Variants in FAM47E observed in about 807,000 individuals in gnomAD.
The protein encoded by FAM47E is protein FAM47E.
In FAM47E, 32 loss-of-function variants were observed where a neutral mutation model predicts 41.6. The observed-to-expected ratio is 0.77, with a 90% CI of 0.58 to 1.03. The LOEUF is 1.03. Ranked by LOEUF, FAM47E falls within the 50% of genes least tolerant of loss-of-function variation. The pLI, the probability that FAM47E is intolerant of heterozygous loss-of-function variation, is 0.00. For synonymous variants in FAM47E, 184 were observed against 188.7 expected, an observed-to-expected ratio of 0.98 and a Z score of 0.20; for missense variants, 424 against 485.4, an observed-to-expected ratio of 0.87 and a Z score of 1.19.
intron 2 of FAM47E, among the ~76,000 whole-genome samples, chr4:76,238,022 T>C (rs982737680): frequency 3.3e-5 from 5 of 152,162 alleles, no homozygotes; most frequent in Non-Finnish European, 7.3e-5. Flanking sequence ...TGTAGCCCTG[T>C]AATGATATAG....
chr4:76,224,844 C>T (rs1298551860), intron 2 of FAM47E, among the ~76,000 whole-genome samples: 1 of 151,954 alleles, frequency 6.6e-6, no homozygotes, highest in South Asian at 2.1e-4. Flanking sequence ...TTTTGGTGCA[C>T]ACATCACCCA....
chr4:76,283,476 G>T lies in FAM47E; in HGVS notation c.*18G>T, dbSNP rs2110033257. On this transcript the variant is annotated 3_prime_UTR_variant, in exon 8 of 8. Coordinates refer to ENST00000424749, the MANE Select transcript of FAM47E (RefSeq NM_001136570.3). The stretch of plus-strand genomic sequence containing the variant: ...AAGCATAGAAGAATCGTAGGAGAAT[G>T]ATTAGGCAGATTTTATTACTACGTA... The T allele has an allele frequency of 1.4e-6, 2 of 1,416,962 alleles. No homozygotes were observed. The highest frequency in any genetic ancestry group is 1.2e-5 in the South Asian group (1 of 81,018). The allele number at this position is 1,416,962 out of a possible 1,614,324, so 87.8% of individuals were successfully genotyped here. A position where few individuals can be genotyped will look rare whatever the true frequency, so the allele number is the denominator to read the frequency against.
intron 2 of FAM47E, among the ~76,000 whole-genome samples, chr4:76,225,182 C>T (rs1363189060): frequency 2.0e-5 from 3 of 152,172 alleles, no homozygotes; most frequent in Non-Finnish European, 2.9e-5. Context: ...TCTTTATCCA[C>T]TCGCACTCGT....
intron 1 of FAM47E, among the ~76,000 whole-genome samples, chr4:76,255,177 T>G (rs1734137480): frequency 1.3e-5 from 2 of 152,196 alleles, no homozygotes; most frequent in Admixed American, 6.5e-5. Context: ...GTAGAGTGAT[T>G]AAGCACCTTT....
chr4:76,278,440 A>G, intron 6 of FAM47E: 1 of 458,080 alleles, frequency 2.2e-6, no homozygotes, highest in Non-Finnish European at 3.7e-6. Context: ...TAGACATGAC[A>G]TCTCTAAAGA....
intron 2 of FAM47E, among the ~76,000 whole-genome samples, chr4:76,242,004 G>GA (rs1317509889): frequency 6.6e-6 from 1 of 152,036 alleles, no homozygotes; most frequent in Non-Finnish European, 1.5e-5. Context: ...ATTTCCTGGA[G>GA]AAAAAAGGAC....
In FAM47E at chr4:76,271,644, C is replaced by T. The variant is rs1454985605; in HGVS notation, c.746C>T (p.Ala249Val). The stretch of plus-strand genomic sequence containing the variant: ...TATGAGACCAAACCAAGCCATGATG[C>T]GCTCCACACGATGAAGCTAAATCAG... ...IDYETKPSHD[A>V]LHTMKLNQVP... is the part of the protein sequence containing the mutation. The change falls in exon 5 of 8, where the codon GCG becomes GTG. Residue 249 changes from alanine (A) to valine (V), a missense_variant. By Grantham distance (64) the Ala-to-Val change is moderately conservative. Coordinates refer to ENST00000424749, the MANE Select transcript of FAM47E (RefSeq NM_001136570.3). 19 of 1,552,042 alleles carry T rather than the reference C, an allele frequency of 1.2e-5. No individual in the cohort carries two copies. In the Admixed American group the frequency reaches 1.6e-4, roughly 13 times the overall value.
intron 2 of FAM47E, chr4:76,234,372 ATTC>A (rs531522883): frequency 3.0e-4 from 45 of 152,500 alleles, no homozygotes; most frequent in Non-Finnish European, 6.0e-4. Context: ...TAAAGATGGC[ATTC>A]TTTGTCCCAT....
At position 76,256,388 on chromosome 4, in the gene FAM47E, C is replaced by A; in HGVS notation, c.285C>A (p.Leu95=). Residue 95 remains leucine (L), a synonymous_variant, in exon 2 of 8, where the codon CTC becomes CTA. Transcript: ENST00000424749. ...CAAAGAAGAGGCAGATCAAGCTGCT[C>A]AAGGAAGCAGACGTGCTTTCCAAGC... ...LAPKKRQIKL[L]KEADVLSKLS... The A allele has an allele frequency of 6.4e-7, 1 of 1,552,130 alleles. No individual in the cohort carries two copies. Among genetic ancestry groups the A allele is most frequent in the Non-Finnish European group, 8.7e-7 (1 of 1,147,316 alleles).
chr4:76,258,878 T>C (rs866202287), intron 2 of FAM47E, among the ~76,000 whole-genome samples: 24 of 152,230 alleles, frequency 1.6e-4, no homozygotes, highest in Middle Eastern at 6.8e-3. Flanking sequence ...TTAAATATGG[T>C]TTAAGGAGAT....
exon 2 of FAM47E, chr4:76,217,637 C>T (rs1310665470): frequency 3.1e-6 from 2 of 653,004 alleles, no homozygotes; most frequent in Admixed American, 4.4e-5. Context: ...GCGTCTTGTC[C>T]AGCCTGCAGA....
At chr4:76,263,620 C>T (rs1734508793) in intron 2 of FAM47E, 84 bp from the exon 3 acceptor site, 1 of 1,481,324 alleles carries the variant, frequency 6.8e-7, no homozygotes, top group African/African-American at 1.4e-5. Context: ...AAGTGAAGGG[C>T]AAGTTGGTCT....
At chr4:76,265,609 T>TTA (rs1734598261) in intron 3 of FAM47E, among the ~76,000 whole-genome samples, 1 of 151,280 alleles carries the variant, frequency 6.6e-6, no homozygotes, top group Non-Finnish European at 1.5e-5. Context: ...ATGCTTTTTG[T>TTA]TATTCATAAG....
At position 76,251,756 on chromosome 4, in the gene FAM47E, C is replaced by A; in HGVS notation, c.10C>A (p.Arg4Ser). ...CGAAGCTAGGGCCACCATGGCGGAC[C>A]GCAGGCGGCGGCTCCGGCCGGGGAC... MAD[R>S]RRRLRPGTLA... The change falls in exon 1 of 8, where the codon CGC becomes AGC. Residue 4 changes from arginine (R) to serine (S), a missense_variant. Physicochemically the swap from Arg to Ser is moderately radical, Grantham distance 110. Transcript: ENST00000424749. The A allele has an allele frequency of 6.7e-7, 1 of 1,485,572 alleles. No homozygotes were observed. The highest frequency in any genetic ancestry group is 2.2e-5 in the Admixed American group (1 of 45,250). The allele number at this position is 1,485,572 out of a possible 1,614,324, so 92.0% of individuals were successfully genotyped here.
chr4:76,214,239 T>C (rs1733155084), exon 1 of FAM47E: 2 of 454,874 alleles, frequency 4.4e-6, no homozygotes, highest in Admixed American at 4.7e-5. Context: ...TACAACACAA[T>C]GTAGCAAGTG....
intron 2 of FAM47E, among the ~76,000 whole-genome samples, chr4:76,239,963 A>G (rs2109990780): frequency 6.6e-6 from 1 of 152,192 alleles, no homozygotes; most frequent in South Asian, 2.1e-4. Context: ...TTTTCCCAGC[A>G]CCATTTGTCA....
intron 3 of FAM47E, chr4:76,268,368 T>C: frequency 3.8e-6 from 1 of 266,364 alleles, no homozygotes; most frequent in East Asian, 1.1e-4. Flanking sequence ...TAATTTGGGC[T>C]TTTACCCAGT....
At chr4:76,248,876 G>A (rs1733890302), upstream of FAM47E, among the ~76,000 whole-genome samples, 1 of 152,102 alleles carries the variant, frequency 6.6e-6, no homozygotes, top group African/African-American at 2.4e-5. Flanking sequence ...ATTTAAGAAT[G>A]AGGTTGGTGA....
In FAM47E at chr4:76,256,199, C is replaced by T. The variant is rs573637854; in HGVS notation, c.96C>T (p.Asn32=). Residue 32 remains asparagine, a synonymous_variant, in exon 2 of 8, where the codon AAC becomes AAT. Transcript: ENST00000424749. ...CCAGATGTTTCACAAAGCACAAGAA[C>T]GGGCTGAAGTTCCCCACCTCTCTGC... The part of the protein sequence containing the change: ...CRSRCFTKHK[N]GLKFPTSLHS... 4.3e-4 allele frequency: 661 copies of T among 1,551,460 alleles called. 8 individuals are homozygous for T. The African/African-American group carries it at 7.6e-3, about 18-fold the overall frequency.
Sources: gnomAD v4.1 joint callset for allele counts (sites outside exome capture counted in the v4.1 genomes callset) on GRCh38, gnomAD v4.1.1 for gene constraint, MANE v1.5 for transcripts, NCBI Gene and HGNC (gene_info 2026-07-23, HGNC 2026-07-21) for gene names.